The following ZEB2 variants were observed in gnomAD, a reference collection of about 807,000 sequenced individuals.
ZEB2 encodes zinc finger E-box-binding homeobox 2.
Under a neutral mutation model 99.9 loss-of-function variants are expected in ZEB2, and 6 were observed. The observed-to-expected ratio is 0.06, with a 90% CI of 0.03 to 0.12. The LOEUF is 0.12. Ranked by LOEUF, ZEB2 falls within the 10% of genes least tolerant of loss-of-function variation. The probability of loss-of-function intolerance (pLI) is 1.00; values close to 1 mark genes in which losing one functional copy is unlikely to be tolerated. For synonymous variants in ZEB2, 517 were observed against 542.5 expected (o/e 0.95, Z 0.65); for missense variants, 969 against 1,502.8 (o/e 0.64, Z 5.87).
chr2:144,388,168 C>T lies in ZEB2; in HGVS notation c.*1283G>A, dbSNP rs1285713287. On this transcript the variant is annotated 3_prime_UTR_variant, in exon 10 of 10. Transcript: ENST00000627532. This position sits in a 1 kb window ranked among gnomAD's most constrained non-coding sequence, Gnocchi z 5.4. ...ACAGTCCCTCTTTTTAGCTAAAAAA[C>T]AAGATGAAGAAAGTGGAATTTTCAG... The T allele has an allele frequency of 6.6e-6, 1 of 152,324 alleles. No homozygotes were observed. The highest frequency in any genetic ancestry group is 2.4e-5 in the African/African-American group (1 of 41,354). The allele number at this position is 152,324 out of a possible 1,614,324, so 9.4% of individuals were successfully genotyped here.
At chr2:144,487,456 A>G (rs1704614372) in intron 2 of ZEB2, among the ~76,000 whole-genome samples, 1 of 152,206 alleles carries the variant, frequency 6.6e-6, no homozygotes, top group Non-Finnish European at 1.5e-5. Flanking sequence ...TATGCTTGCC[A>G]TAAAACAGGC....
chr2:144,424,719 C>T (rs1703667545), intron 4 of ZEB2, 77 bp downstream of exon 4: 4 of 1,524,272 alleles, frequency 2.6e-6, no homozygotes, highest in Non-Finnish European at 2.7e-6. Context: ...ATGGATGTGT[C>T]ACTGTTTCCT....
At chr2:144,418,760 AGTT>A (rs1401095379) in intron 4 of ZEB2, among the ~76,000 whole-genome samples, 1 of 151,954 alleles carries the variant, frequency 6.6e-6, no homozygotes, top group Non-Finnish European at 1.5e-5. Context: ...AGTCTATGTT[AGTT>A]GTTGTACTGG....
intron 3 of ZEB2, chr2:144,427,084 C>A (rs879450582): frequency 6.6e-6 from 1 of 152,242 alleles, no homozygotes; most frequent in African/African-American, 2.4e-5. Flanking sequence ...TTTTAAAACA[C>A]TTGTAAAAGT....
At chr2:144,448,341 C>G (rs1444025561) in intron 2 of ZEB2, among the ~76,000 whole-genome samples, 1 of 152,152 alleles carries the variant, frequency 6.6e-6, no homozygotes, top group African/African-American at 2.4e-5. Flanking sequence ...TTCCATGCTG[C>G]CACCCTATGA....
intron 1 of ZEB2, 56 bp downstream of exon 1, chr2:144,519,883 G>T: frequency 2.5e-6 from 1 of 401,836 alleles, no homozygotes; most frequent in Non-Finnish European, 4.9e-6. Context: ...GAGGATGGAG[G>T]ACGAGCACAC....
chr2:144,421,816 T>G (rs1703622570), intron 4 of ZEB2, among the ~76,000 whole-genome samples: 1 of 152,188 alleles, frequency 6.6e-6, no homozygotes, highest in South Asian at 2.1e-4. Context: ...TGCATAACTC[T>G]CAAATCTCTA....
chr2:144,414,514 C>T (rs1040681393), intron 4 of ZEB2, among the ~76,000 whole-genome samples: 7 of 151,836 alleles, frequency 4.6e-5, no homozygotes, highest in African/African-American at 1.7e-4. Flanking sequence ...ACGGCTAGTG[C>T]GGTCCAGTAA....
intron 2 of ZEB2, chr2:144,516,659 C>A (rs114965990): frequency 6.6e-6 from 1 of 151,760 alleles, no homozygotes; most frequent in African/African-American, 2.4e-5. Flanking sequence ...ATCGACCCCA[C>A]CGGACCCCGC....
intron 2 of ZEB2, chr2:144,431,141 T>C (rs540776556): frequency 6.8e-4 from 104 of 152,246 alleles, no homozygotes; most frequent in African/African-American, 2.4e-3. Context: ...ATTTTCAGGT[T>C]CATTTTGATT....
chr2:144,473,477 G>A (rs997632908), intron 2 of ZEB2, among the ~76,000 whole-genome samples: 6 of 152,086 alleles, frequency 3.9e-5, no homozygotes, highest in African/African-American at 1.4e-4. Flanking sequence ...TGCTCAGGCT[G>A]GTCTTAAATT....
At chr2:144,413,926 T>C (rs1703499534) in intron 4 of ZEB2, among the ~76,000 whole-genome samples, 1 of 152,226 alleles carries the variant, frequency 6.6e-6, no homozygotes, top group African/African-American at 2.4e-5. Flanking sequence ...ACCAAGAGGA[T>C]AGTGAAAGTA....
At chr2:144,417,278 A>G (rs1703553506) in intron 4 of ZEB2, among the ~76,000 whole-genome samples, 1 of 152,010 alleles carries the variant, frequency 6.6e-6, no homozygotes, top group African/African-American at 2.4e-5. Context: ...AGTGGAAGGA[A>G]CTCACCCTTC....
Position 144,399,556 on chromosome 2 carries a change from G to C in ZEB2, c.1631C>G (p.Thr544Ser). Residue 544 changes from threonine to serine, a missense_variant, in exon 8 of 10, where the codon ACT becomes AGT. Transcript: ENST00000627532. The surrounding 1 kb of genome is among the most constrained non-coding windows in gnomAD (Gnocchi z 5.6). ...NEAKACLQSL[T>S]TDSRRQISNI... Reference sequence around the variant, plus strand: ...ACTGATCTGTCTCCTTGAGTCAGTAGTCAAGCTCTGGAGGCAAGCTTTGGC... The same window carrying C: ...ACTGATCTGTCTCCTTGAGTCAGTACTCAAGCTCTGGAGGCAAGCTTTGGC... The C allele has an allele frequency of 6.2e-7, 1 of 1,614,166 alleles. No individual in the cohort carries two copies.
Position 144,387,588 on chromosome 2 carries a change from CAA to C in ZEB2, c.*1861_*1862del, listed in dbSNP as rs1703102365. ...TTTCAAAAAGTGAGATAAACTATCC[CAA>C]TCCTTTAAAAAAGGTTACATATTAT... On this transcript the variant is annotated 3_prime_UTR_variant, in exon 10 of 10. Coordinates refer to ENST00000627532, the MANE Select transcript of ZEB2 (RefSeq NM_014795.4). 1 of 152,110 alleles carries C rather than the reference CAA, an allele frequency of 6.6e-6. No homozygotes were observed. The highest frequency in any genetic ancestry group is 6.6e-5 in the Admixed American group (1 of 15,266). The allele number at this position is 152,110 out of a possible 1,614,324, so 9.4% of individuals were successfully genotyped here.
At chr2:144,493,982 C>T (rs1704722265) in intron 2 of ZEB2, among the ~76,000 whole-genome samples, 1 of 151,786 alleles carries the variant, frequency 6.6e-6, no homozygotes, top group African/African-American at 2.4e-5. Flanking sequence ...GAAACCCTGT[C>T]TCTACTAAAA....
intron 6 of ZEB2, among the ~76,000 whole-genome samples, chr2:144,402,760 G>A (rs1703330172): frequency 1.3e-5 from 2 of 152,058 alleles, no homozygotes; most frequent in South Asian, 4.1e-4. Context: ...GAGATAAACT[G>A]TTACATAAGT....
chr2:144,390,383 A>C (rs1394301452), intron 9 of ZEB2, among the ~76,000 whole-genome samples: 2 of 152,218 alleles, frequency 1.3e-5, no homozygotes, highest in Non-Finnish European at 2.9e-5. Context: ...TCATCAGGTA[A>C]TTCTCTTCCT....
intron 4 of ZEB2, among the ~76,000 whole-genome samples, chr2:144,413,863 G>A (rs573980117): frequency 4.3e-4 from 65 of 152,298 alleles, no homozygotes; most frequent in African/African-American, 1.5e-3. Flanking sequence ...TAATTTAAAA[G>A]TTTTAATTTA....
Sources: gnomAD v4.1 joint callset for allele counts (sites outside exome capture counted in the v4.1 genomes callset) on GRCh38, gnomAD v4.1.1 for gene constraint, Gnocchi (gnomAD v3.1) non-coding constraint, MANE v1.5 for transcripts, NCBI Gene and HGNC (gene_info 2026-07-23, HGNC 2026-07-21) for gene names.